Variants in CEP76 observed in about 807,000 individuals in gnomAD.
CEP76 encodes the protein centrosomal protein 76, also known as centrosomal protein of 76 kDa.
A neutral mutation model predicts 83.3 loss-of-function variants in CEP76; 55 were observed. The observed-to-expected ratio is 0.66, with a 90% CI of 0.53 to 0.83. CEP76 has a LOEUF of 0.83. CEP76 is among the 40% of genes least tolerant of loss of function. CEP76 has a pLI of 0.00. For synonymous variants in CEP76, 270 were observed against 274.5 expected (o/e 0.98, Z 0.16); for missense variants, 694 against 799.5 (o/e 0.87, Z 1.59).
chr18:12,696,957 T>C (rs1223935121), intron 5 of CEP76, among the ~76,000 whole-genome samples: 1 of 152,162 alleles, frequency 6.6e-6, no homozygotes, highest in Admixed American at 6.5e-5. Flanking sequence ...GAACTTGAAA[T>C]TAAAACCCTC....
chr18:12,693,911 T>C (rs1033110101), intron 6 of CEP76, among the ~76,000 whole-genome samples: 2 of 152,166 alleles, frequency 1.3e-5, no homozygotes, highest in African/African-American at 2.4e-5. Flanking sequence ...CAGCTCACTG[T>C]AACCTCAAAT....
chr18:12,681,005 C>G (rs1292277234), intron 8 of CEP76, among the ~76,000 whole-genome samples, 177 bp from the exon 9 acceptor site: 2 of 152,064 alleles, frequency 1.3e-5, no homozygotes, highest in Non-Finnish European at 2.9e-5. Context: ...TCAAGACCAG[C>G]CTGGCCAACA....
At chr18:12,667,606 C>T (rs1340917379) in intron 12 of CEP76, among the ~76,000 whole-genome samples, 3 of 149,786 alleles carry the variant, frequency 2.0e-5, no homozygotes, top group Non-Finnish European at 4.5e-5. Flanking sequence ...AGTAAAAATA[C>T]AAAAATTAGC....
At chr18:12,682,074 A>G (rs2039370453) in intron 8 of CEP76, among the ~76,000 whole-genome samples, 1 of 152,170 alleles carries the variant, frequency 6.6e-6, no homozygotes, top group South Asian at 2.1e-4. Context: ...ATTAAACACT[A>G]TGGTTACAAT....
chr18:12,699,740 A>C (rs1261403276), intron 3 of CEP76, 90 bp downstream of exon 3: 2 of 724,108 alleles, frequency 2.8e-6, no homozygotes, highest in East Asian at 6.1e-5. Context: ...GGGGGGAAAA[A>C]ATGGAAATGT....
intron 5 of CEP76, among the ~76,000 whole-genome samples, chr18:12,696,367 G>A (rs2145094518): frequency 6.6e-6 from 1 of 152,198 alleles, no homozygotes; most frequent in East Asian, 1.9e-4. Context: ...GCTGGGTGTG[G>A]TGGTGCATGC....
At chr18:12,672,137 T>C (rs1454057100), downstream of CEP76, among the ~76,000 whole-genome samples, 1 of 145,274 alleles carries the variant, frequency 6.9e-6, no homozygotes, top group Non-Finnish European at 1.5e-5. Flanking sequence ...TTTTCTGAGA[T>C]GCAGTCTCGC....
rs1568021196 is a variant in CEP76 at position 12,686,401 on chromosome 18, CG to C, written c.982del (p.Arg328GlufsTer66). 1 of 1,613,836 alleles carries C rather than the reference CG, an allele frequency of 6.2e-7. No homozygotes were observed. The highest frequency in any genetic ancestry group is 1.7e-5 in the Admixed American group (1 of 59,976). ...RPVCSYVKPLRAGRLLDTPRQ... is the reference protein window; with the variant it reads ...RPVCSYVKPLXAGRLLDTPRQ... ...TGGAGTATCAAGAAGCCGTCCAGCT[CG>C]AAGTGGTTTAACATAGGAACAGACT... On this transcript the variant is annotated frameshift_variant, in exon 8 of 12. Coordinates refer to ENST00000262127, the MANE Select transcript of CEP76 (RefSeq NM_024899.4). LOFTEE classifies it high-confidence loss of function.
chr18:12,680,411 C>T (rs2039303732), intron 9 of CEP76, among the ~76,000 whole-genome samples: 1 of 151,726 alleles, frequency 6.6e-6, no homozygotes, highest in South Asian at 2.1e-4. Flanking sequence ...GCCTGGCTAA[C>T]ATGGTGAAAA....
chr18:12,671,905 C>T (rs182700398), downstream of CEP76, among the ~76,000 whole-genome samples: 485 of 152,214 alleles, frequency 3.2e-3, 2 homozygotes, highest in Non-Finnish European at 5.8e-3. Flanking sequence ...ATCACAACCT[C>T]CGCCTCCCAG....
intron 6 of CEP76, among the ~76,000 whole-genome samples, chr18:12,693,696 T>C (rs1433896294): frequency 2.0e-5 from 3 of 151,996 alleles, no homozygotes; most frequent in East Asian, 1.9e-4. Flanking sequence ...GGCAGGAGAA[T>C]TGCTTGAACT....
rs552554491 is a variant in CEP76, at chr18:12,663,191, T to A, written c.*1728-1022A>T. 3.3e-5 allele frequency among the ~76,000 whole-genome samples: 5 copies of A among 152,336 alleles called. No homozygotes were observed. The South Asian group carries it at 1.0e-3, about 32-fold the overall frequency. ...TCCAAATACTCTTTTATAGTCATAT[T>A]ACATAATTCTGATCAGATTTCAAAC... On this transcript the variant is annotated intron_variant and NMD_transcript_variant, in intron 12 of 12. Transcript: ENST00000590143.
At chr18:12,690,614 C>A (rs2039719702) in intron 7 of CEP76, among the ~76,000 whole-genome samples, 1 of 152,080 alleles carries the variant, frequency 6.6e-6, no homozygotes, top group African/African-American at 2.4e-5. Flanking sequence ...CGCCATCACG[C>A]CCGGCTAATT....
intron 9 of CEP76, among the ~76,000 whole-genome samples, chr18:12,680,162 A>G (rs1045620701): frequency 2.0e-5 from 3 of 152,246 alleles, no homozygotes; most frequent in Admixed American, 2.0e-4. Context: ...TTGAGGTAAA[A>G]GTTTTCTTAG....
rs754068368 is a variant in CEP76, at chr18:12,700,958, A to T, written c.219T>A (p.Thr73=). The change falls in exon 2 of 12, where the codon ACT becomes ACA. Residue 73 remains threonine (T), a splice_region_variant and synonymous_variant. Transcript: ENST00000262127. ...TTTATTTCCCTAAAAGATTACTCACAGTAACAAAATTAAGTTCTTTCATCA... is the reference window on the plus strand; with the variant it reads ...TTTATTTCCCTAAAAGATTACTCACTGTAACAAAATTAAGTTCTTTCATCA... ...DDVMKELNFV[T]DSVEQELPSS... The T allele has an allele frequency of 6.2e-7, 1 of 1,611,282 alleles. No individual in the cohort carries two copies. The highest frequency in any genetic ancestry group is 1.7e-5 in the Admixed American group (1 of 59,842).
chr18:12,696,557 C>T (rs1451677728), intron 5 of CEP76, among the ~76,000 whole-genome samples: 4 of 152,060 alleles, frequency 2.6e-5, no homozygotes, highest in African/African-American at 9.7e-5. Flanking sequence ...TGTCCACTGG[C>T]AAGGTTTAAC....
At chr18:12,702,761 A>G, upstream of CEP76, 1 of 588,426 alleles carries the variant, frequency 1.7e-6, no homozygotes, top group South Asian at 2.1e-5. Context: ...GTTTTCAAAC[A>G]GTGGCGGACA....
intron 10 of CEP76, among the ~76,000 whole-genome samples, chr18:12,676,513 A>G (rs1229073805): frequency 6.6e-6 from 1 of 151,772 alleles, no homozygotes; most frequent in African/African-American, 2.4e-5. Flanking sequence ...GAGCTCAAGC[A>G]ATCCACCCAT....
chr18:12,701,164 A>AC, intron 1 of CEP76, 51 bp from the exon 2 acceptor site: 2 of 1,427,850 alleles, frequency 1.4e-6, no homozygotes, highest in Non-Finnish European at 1.9e-6. Context: ...GCAGTCAAAT[A>AC]CTGCTTCTGA....
Sources: allele counts gnomAD v4.1 joint callset (sites outside exome capture counted in the v4.1 genomes callset), GRCh38; gene constraint gnomAD v4.1.1; transcripts MANE v1.5; gene names NCBI Gene and HGNC (gene_info 2026-07-23, HGNC 2026-07-21).